Variants in SRGAP3 observed in about 807,000 individuals in gnomAD.
The protein encoded by SRGAP3 is SLIT-ROBO Rho GTPase-activating protein 3.
A neutral mutation model predicts 121.1 loss-of-function variants in SRGAP3; 39 were observed. That is an observed-to-expected ratio of 0.32 (90% confidence interval 0.25 to 0.42). SRGAP3 has a LOEUF of 0.42. SRGAP3 is among the 10% of genes least tolerant of loss of function. SRGAP3 has a pLI of 1.00. For missense variants in SRGAP3, 1,213 were observed against 1,470.6 expected, an observed-to-expected ratio of 0.82 and a Z score of 2.86; for synonymous variants, 601 against 570.0, an observed-to-expected ratio of 1.05 and a Z score of -0.77.
intron 1 of SRGAP3, among the ~76,000 whole-genome samples, chr3:9,245,194 G>T (rs1030047068): frequency 6.6e-6 from 1 of 152,146 alleles, no homozygotes; most frequent in African/African-American, 2.4e-5. Flanking sequence ...AAATCTGTCT[G>T]GGCCTACATT....
intron 3 of SRGAP3, among the ~76,000 whole-genome samples, chr3:9,282,988 G>C (rs995355742): frequency 6.6e-6 from 1 of 151,744 alleles, no homozygotes; most frequent in African/African-American, 2.4e-5. Flanking sequence ...TCAGGCTGGA[G>C]TGCAATGGCA....
chr3:9,097,964 A>C (rs1287959831), intron 3 of SRGAP3, among the ~76,000 whole-genome samples: 1 of 152,076 alleles, frequency 6.6e-6, no homozygotes, highest in Non-Finnish European at 1.5e-5. Context: ...GGGAATCCCA[A>C]GTATCCTCCC....
At chr3:9,297,488 C>T (rs912844202) in intron 3 of SRGAP3, among the ~76,000 whole-genome samples, 1 of 152,086 alleles carries the variant, frequency 6.6e-6, no homozygotes, top group Admixed American at 6.5e-5. Context: ...GAAATCCTAA[C>T]TCCTAGTACC....
intron 1 of SRGAP3, among the ~76,000 whole-genome samples, chr3:9,134,680 G>C (rs1012684558): frequency 1.3e-5 from 2 of 151,954 alleles, no homozygotes; most frequent in African/African-American, 4.8e-5. Context: ...CAGTCCTGCT[G>C]CCTCCTCTTT....
At chr3:9,176,140 T>A (rs577456058) in intron 1 of SRGAP3, among the ~76,000 whole-genome samples, 3 of 152,170 alleles carry the variant, frequency 2.0e-5, no homozygotes, top group Admixed American at 2.0e-4. Flanking sequence ...CAGGCTGGTC[T>A]CAAACTCCAG....
intron 3 of SRGAP3, among the ~76,000 whole-genome samples, chr3:9,318,675 A>G (rs2125281338): frequency 1.3e-5 from 2 of 151,132 alleles, no homozygotes; most frequent in African/African-American, 4.8e-5. Context: ...GGAGTTTAAG[A>G]CAAGCCTCAG....
At chr3:9,127,229 C>G (rs1949269319) in intron 1 of SRGAP3, among the ~76,000 whole-genome samples, 1 of 151,898 alleles carries the variant, frequency 6.6e-6, no homozygotes, top group Non-Finnish European at 1.5e-5. Flanking sequence ...CCCAGCTACT[C>G]AGGAGGCTGA....
intron 2 of SRGAP3, among the ~76,000 whole-genome samples, chr3:9,123,386 TATACATACACA>T (rs1560201541): frequency 0.046 from 749 of 16,152 alleles, 9 homozygotes; most frequent in African/African-American, 0.16. Flanking sequence ...TATATATATA[TATACATACACA>T]ATACACATAC....
Position 9,056,299 on chromosome 3 carries a change from T to A in SRGAP3, c.1059A>T (p.Thr353=). 1 of 1,613,880 alleles carries A rather than the reference T, an allele frequency of 6.2e-7. No individual in the cohort carries two copies. The highest frequency in any genetic ancestry group is 8.5e-7 in the Non-Finnish European group (1 of 1,179,994). ...GCTGGTGATAACGCATGAGCAGTTC[T>A]GTCTGGACGGGCTGCTGAGCGCTGA... The part of the protein sequence containing the change: ...CQVSAQQPVQ[T]ELLMRYHQLQ... The change falls in exon 8 of 22, where the codon ACA becomes ACT. Residue 353 remains threonine, a synonymous_variant. Coordinates refer to ENST00000383836, the MANE Select transcript of SRGAP3 (RefSeq NM_014850.4).
At chr3:9,266,286 A>G (rs3864088) in intron 3 of SRGAP3, among the ~76,000 whole-genome samples, 54,094 of 151,966 alleles carry the variant, frequency 0.36, 9,854 homozygotes, top group Non-Finnish European at 0.39. Flanking sequence ...ACAGGTTGAC[A>G]GGTGCAGCAA....
intron 4 of SRGAP3, among the ~76,000 whole-genome samples, chr3:9,070,230 C>A (rs1326085779): frequency 6.6e-6 from 1 of 152,260 alleles, no homozygotes; most frequent in Non-Finnish European, 1.5e-5. Context: ...CATAAAGGGA[C>A]ACCTGAAGCA....
At chr3:9,349,328 C>T (rs929338350) in intron 1 of SRGAP3, 33 of 403,768 alleles carry the variant, frequency 8.2e-5, no homozygotes, top group African/African-American at 1.2e-4. Flanking sequence ...GCACCAGTGG[C>T]TCCCATTTTC....
intron 1 of SRGAP3, among the ~76,000 whole-genome samples, chr3:9,201,085 G>C (rs1446989153): frequency 6.6e-6 from 1 of 152,134 alleles, no homozygotes; most frequent in Non-Finnish European, 1.5e-5. Context: ...GGTCCAGATG[G>C]ATATATTCCC....
intron 9 of SRGAP3, among the ~76,000 whole-genome samples, chr3:9,047,922 C>T (rs965252790): frequency 1.4e-4 from 21 of 152,036 alleles, no homozygotes; most frequent in Non-Finnish European, 2.7e-4. Context: ...AGAGGAGCCT[C>T]GGAACGAGTC....
chr3:9,270,168 G>A (rs1421383254), intron 3 of SRGAP3, among the ~76,000 whole-genome samples: 1 of 152,120 alleles, frequency 6.6e-6, no homozygotes. Flanking sequence ...TATAGGAAAT[G>A]GGTCTGAGCA....
chr3:8,990,787 C>A lies in SRGAP3; in HGVS notation c.2611G>T (p.Asp871Tyr). 6.3e-7 allele frequency: 1 copy of A among 1,594,724 alleles called. No individual in the cohort carries two copies. Among genetic ancestry groups the A allele is most frequent in the Non-Finnish European group, 8.5e-7 (1 of 1,170,732 alleles). ...AGGCCCCGGGGCGGGCTGTGTGTGTCGCCCCCGCTTCGGCGTCTGGGGATG... is the reference window on the plus strand; with the variant it reads ...AGGCCCCGGGGCGGGCTGTGTGTGTAGCCCCCGCTTCGGCGTCTGGGGATG... ...AAIPRRRSGGDTHSPPRGLGP... is the reference protein window; with the variant it reads ...AAIPRRRSGGYTHSPPRGLGP... Residue 871 changes from aspartate (D) to tyrosine (Y), a missense_variant, in exon 21 of 22, where the codon GAC becomes TAC. Transcript: ENST00000383836.
chr3:8,992,977 G>C lies in SRGAP3; in HGVS notation c.2487C>G (p.Ala829=). Residue 829 remains alanine (A), a synonymous_variant, in exon 20 of 22, where the codon GCC becomes GCG. Coordinates refer to ENST00000383836, the MANE Select transcript of SRGAP3 (RefSeq NM_014850.4). ...GGGACTGGAGGTCGTTTTTGGAAGA[G>C]GCCTTGTCATCCAGCAATGGCCCAC... ...ASSGPLLDDK[A]SSKNDLQSPT... 1 of 1,614,232 alleles carries C rather than the reference G, an allele frequency of 6.2e-7. No individual in the cohort carries two copies. The highest frequency in any genetic ancestry group is 8.5e-7 in the Non-Finnish European group (1 of 1,180,052).
intron 4 of SRGAP3, among the ~76,000 whole-genome samples, chr3:9,075,198 G>A (rs1946902903): frequency 6.6e-6 from 1 of 152,002 alleles, no homozygotes; most frequent in Non-Finnish European, 1.5e-5. Flanking sequence ...TTTTCTCCCA[G>A]GCCAATACAT....
At chr3:9,161,142 C>T (rs1004726115) in intron 1 of SRGAP3, among the ~76,000 whole-genome samples, 3 of 152,188 alleles carry the variant, frequency 2.0e-5, no homozygotes, top group Admixed American at 6.5e-5. Context: ...GGAGTGCCTA[C>T]AAAATGCTTA....
Sources: gnomAD v4.1 joint callset for allele counts (sites outside exome capture counted in the v4.1 genomes callset) on GRCh38, gnomAD v4.1.1 for gene constraint, MANE v1.5 for transcripts, NCBI Gene and HGNC (gene_info 2026-07-23, HGNC 2026-07-21) for gene names.